KRT28: variants seen among roughly 807,000 people sequenced by gnomAD.
KRT28 encodes the protein keratin 28.
In KRT28, 45 loss-of-function variants were observed where a neutral mutation model predicts 48.1. The ratio of observed to expected loss-of-function variants is 0.94; its 90% CI spans 0.74 to 1.20. The LOEUF (loss-of-function observed/expected upper bound fraction) is 1.20. Among genes scored for constraint, KRT28 ranks in the 50% most tolerant of loss-of-function variants. The pLI, the probability that KRT28 is intolerant of heterozygous loss-of-function variation, is 0.00. For synonymous variants in KRT28, 228 were observed against 227.4 expected (o/e 1.00, Z -0.03); for missense variants, 571 against 574.1 (o/e 0.99, Z 0.06).
In KRT28 at chr17:40,797,021, C is replaced by G. The variant is rs1904627335; in HGVS notation, c.873G>C (p.Gln291His). 1.9e-6 allele frequency: 3 copies of G among 1,612,410 alleles called. No homozygotes were observed. Among genetic ancestry groups the G allele is most frequent in the Non-Finnish European group, 2.5e-6 (3 of 1,179,268 alleles). ...TGGCTGCGCCTGAGTCGTGGGAGAT[C>G]TGTTGCTGCAGCGAGGCGCTCTGTA... ...FNEKSASLQQQISHDSGAATF... is the reference protein window; with the variant it reads ...FNEKSASLQQHISHDSGAATF... The change falls in exon 5 of 8, where the codon CAG becomes CAC. Residue 291 changes from glutamine (Q) to histidine (H), a missense_variant. Coordinates refer to ENST00000306658, the MANE Select transcript of KRT28 (RefSeq NM_181535.3).
intron 2 of KRT28, 76 bp from the exon 3 acceptor site, chr17:40,798,467 T>A: frequency 6.8e-7 from 1 of 1,474,736 alleles, no homozygotes; most frequent in Admixed American, 2.1e-5. Context: ...CCCAATTGCT[T>A]TAAACTGAAA....
chr17:40,796,958 G>C lies in KRT28; in HGVS notation c.936C>G (p.Thr312=). The change falls in exon 5 of 8, where the codon ACC becomes ACG. Residue 312 remains threonine (T), a synonymous_variant. Coordinates refer to ENST00000306658, the MANE Select transcript of KRT28 (RefSeq NM_181535.3). ...ARSQLTEMRR[T]LQTLEIQLQS... ...GCAGCTGGATCTCCAGGGTCTGCAGGGTGCGCCTCATCTCGGTGAGCTGGC... is the reference window on the plus strand; with the variant it reads ...GCAGCTGGATCTCCAGGGTCTGCAGCGTGCGCCTCATCTCGGTGAGCTGGC... The C allele has an allele frequency of 2.5e-6, 4 of 1,612,590 alleles. No individual in the cohort carries two copies. The highest frequency in any genetic ancestry group is 3.4e-6 in the Non-Finnish European group (4 of 1,179,632).
chr17:40,793,488 G>A (rs901759352), intron 6 of KRT28, among the ~76,000 whole-genome samples: 1 of 152,042 alleles, frequency 6.6e-6, no homozygotes, highest in African/African-American at 2.4e-5. Context: ...GGTTTGTACA[G>A]AGTACATTTA....
chr17:40,797,079 C>T (rs75532190), intron 4 of KRT28, 38 bp from the exon 5 acceptor site: 2 of 1,611,008 alleles, frequency 1.2e-6, no homozygotes, highest in Non-Finnish European at 1.7e-6. Flanking sequence ...GGAGTCCCCA[C>T]CCCCGGGGAG....
intron 5 of KRT28, among the ~76,000 whole-genome samples, chr17:40,795,398 T>C (rs1904589619): frequency 6.6e-6 from 1 of 152,218 alleles, no homozygotes; most frequent in Non-Finnish European, 1.5e-5. Context: ...GCGTCTCTAC[T>C]TCACAGTCTT....
At chr17:40,793,788 TA>T in intron 6 of KRT28, 40 bp downstream of exon 6, 1 of 1,602,516 alleles carries the variant, frequency 6.2e-7, no homozygotes, top group East Asian at 2.2e-5. Context: ...ATTTGTAGCT[TA>T]AAAGAGGTAA....
intron 5 of KRT28, among the ~76,000 whole-genome samples, chr17:40,795,040 A>G (rs1489289981): frequency 6.6e-6 from 1 of 152,180 alleles, no homozygotes; most frequent in Admixed American, 6.5e-5. Context: ...ATAATTTTGT[A>G]TATTTCTAAA....
At position 40,797,188 on chromosome 17, in the gene KRT28, T is replaced by C. The variant is rs745368046; in HGVS notation, c.784A>G (p.Met262Val). ...GCAAGGGCTTCGTACTCCGCTCGCA[T>C]GTTGTTCAACAAAACCGCGAGGTCT... ...GVDLAVLLNN[M>V]RAEYEALAEQ... The change falls in exon 4 of 8, where the codon ATG (methionine) becomes GTG (valine). Residue 262 changes from methionine to valine, a missense_variant. Met to Val is a conservative substitution (Grantham distance 21). Transcript: ENST00000306658. 3 of 1,614,192 alleles carry C rather than the reference T, an allele frequency of 1.9e-6. No homozygotes were observed. Among genetic ancestry groups the C allele is most frequent in the Admixed American group, 1.7e-5 (1 of 60,028 alleles).
chr17:40,796,110 G>A (rs1397161297), intron 5 of KRT28, among the ~76,000 whole-genome samples: 1 of 152,144 alleles, frequency 6.6e-6, no homozygotes, highest in Non-Finnish European at 1.5e-5. Flanking sequence ...TTCCTTTTTG[G>A]CTCACTGCAC....
rs748199563 is a variant in KRT28, at chr17:40,799,511, C to T, written c.383G>A (p.Gly128Glu). ...GTCATGATCAAGTCCACGGCAAGAT[C>T]CAGGTCCGTATTTTTCATACCAACC... ...IKGWYEKYGPGSCRGLDHDYS... is the reference protein window; with the variant it reads ...IKGWYEKYGPESCRGLDHDYS... Residue 128 changes from glycine to glutamate, a missense_variant, in exon 1 of 8, where the codon GGA becomes GAA. By Grantham distance (98) the Gly-to-Glu change is moderately conservative. Coordinates refer to ENST00000306658, the MANE Select transcript of KRT28 (RefSeq NM_181535.3). 3 of 1,614,150 alleles carry T rather than the reference C, an allele frequency of 1.9e-6. No homozygotes were observed. The highest frequency in any genetic ancestry group is 2.5e-6 in the Non-Finnish European group (3 of 1,180,028).
intron 5 of KRT28, 114 bp from the exon 6 acceptor site, chr17:40,794,160 G>C: frequency 8.0e-7 from 1 of 1,243,340 alleles, no homozygotes; most frequent in Non-Finnish European, 1.1e-6. Context: ...AAATTTGTGA[G>C]GCTTGTCACA....
Position 40,798,231 on chromosome 17 carries a change from C to T in KRT28, c.690+4G>A, listed in dbSNP as rs1180048315. On this transcript the variant is annotated splice_donor_region_variant and intron_variant, in intron 3 of 7. Transcript: ENST00000306658. ...GATTGGACTACAGGTAAAGCTTCTC[C>T]TACCTCTTCGTGGTTCTTTTTGAGA... The T allele has an allele frequency of 1.9e-6, 3 of 1,600,422 alleles. No homozygotes were observed. The African/African-American group carries it at 4.0e-5, about 21-fold the overall frequency.
rs1261277187 is a variant in KRT28, at chr17:40,793,913, A to G, written c.1112T>C (p.Leu371Pro). 1 of 1,613,910 alleles carries G rather than the reference A, an allele frequency of 6.2e-7. No homozygotes were observed. Among genetic ancestry groups the G allele is most frequent in the Non-Finnish European group, 8.5e-7 (1 of 1,179,858 alleles). Reference sequence around the variant, plus strand: ...GACATCGAGGAGATGCTCATACTCCAGCTTCTGGCCCTCGGTCTCGGTTCT... The same window carrying G: ...GACATCGAGGAGATGCTCATACTCCGGCTTCTGGCCCTCGGTCTCGGTTCT... ...QVRTETEGQK[L>P]EYEHLLDVKV... is the part of the protein sequence containing the mutation. The change falls in exon 6 of 8, where the codon CTG becomes CCG. Residue 371 changes from leucine to proline, a missense_variant. By Grantham distance (98) the Leu-to-Pro change is moderately conservative (BLOSUM62 -3). Coordinates refer to ENST00000306658, the MANE Select transcript of KRT28 (RefSeq NM_181535.3).
intron 7 of KRT28, among the ~76,000 whole-genome samples, chr17:40,792,799 A>T (rs544140849): frequency 6.6e-6 from 1 of 152,318 alleles, no homozygotes; most frequent in African/African-American, 2.4e-5. Context: ...CATTAATGTA[A>T]AAGTATTGCT....
In KRT28 at chr17:40,799,600, TG is replaced by T. The variant is rs752188060; in HGVS notation, c.293del (p.Ala98AspfsTer17). The T allele has an allele frequency of 4.1e-5, 66 of 1,614,072 alleles. No homozygotes were observed. The highest frequency in any genetic ancestry group is 2.7e-4 in the Admixed American group (16 of 59,998). On this transcript the variant is annotated frameshift_variant, in exon 1 of 8. Transcript: ENST00000306658. LOFTEE classifies it high-confidence loss of function. ...GAGCTCGCACATTATCCAGGTAGGA[TG>T]CCAAGCGGTCATTAAGATTTTGCAT... Reference protein sequence around the residue: ...VTMQNLNDRLASYLDNVRALE... With the variant: ...VTMQNLNDRLXSYLDNVRALE...
chr17:40,799,502 C>T lies in KRT28; in HGVS notation c.392G>A (p.Arg131His), dbSNP rs140121032. 3.1e-4 allele frequency: 504 copies of T among 1,614,072 alleles called. 1 individual carries two copies. In the African/African-American group the frequency reaches 3.6e-3, roughly 12 times the overall value. ...TCTGCTATAGTCATGATCAAGTCCACGGCAAGATCCAGGTCCGTATTTTTC... is the reference window on the plus strand; with the variant it reads ...TCTGCTATAGTCATGATCAAGTCCATGGCAAGATCCAGGTCCGTATTTTTC... ...WYEKYGPGSC[R>H]GLDHDYSRYH... is the part of the protein sequence containing the mutation. Residue 131 changes from arginine (R) to histidine (H), a missense_variant, in exon 1 of 8, where the codon CGT becomes CAT. Arg to His is a conservative substitution (Grantham distance 29). Transcript: ENST00000306658.
chr17:40,792,903 C>T (rs1267856868), intron 7 of KRT28, among the ~76,000 whole-genome samples: 1 of 152,024 alleles, frequency 6.6e-6, no homozygotes, highest in Non-Finnish European at 1.5e-5. Context: ...AGTTTGAGAC[C>T]AGCCTGGCCA....
intron 2 of KRT28, among the ~76,000 whole-genome samples, chr17:40,798,658 C>T (rs1477673041): frequency 6.6e-6 from 1 of 152,054 alleles, no homozygotes; most frequent in Non-Finnish European, 1.5e-5. Flanking sequence ...TAACGTTTTT[C>T]CTTAGTTGAC....
Position 40,796,980 on chromosome 17 carries a change from T to G in KRT28, c.914A>C (p.Gln305Pro), listed in dbSNP as rs1205769785. 1 of 1,612,960 alleles carries G rather than the reference T, an allele frequency of 6.2e-7. No individual in the cohort carries two copies. The highest frequency in any genetic ancestry group is 8.5e-7 in the Non-Finnish European group (1 of 1,179,762). Reference protein sequence around the residue: ...DSGAATFARSQLTEMRRTLQT... With the variant: ...DSGAATFARSPLTEMRRTLQT... ...CAGGGTGCGCCTCATCTCGGTGAGC[T>G]GGCTCCGGGCGAAAGTGGCTGCGCC... The change falls in exon 5 of 8, where the codon CAG (glutamine) becomes CCG (proline). Residue 305 changes from glutamine (Q) to proline (P), a missense_variant. Gln to Pro is a moderately conservative substitution (Grantham distance 76, BLOSUM62 -1). Transcript: ENST00000306658.
Sources: allele counts gnomAD v4.1 joint callset (sites outside exome capture counted in the v4.1 genomes callset), GRCh38; gene constraint gnomAD v4.1.1; transcripts MANE v1.5; gene names NCBI Gene and HGNC (gene_info 2026-07-23, HGNC 2026-07-21).